Variants in BUB1B observed in about 807,000 individuals in gnomAD.
BUB1B encodes the protein mitotic checkpoint serine/threonine-protein kinase BUB1 beta.
BUB1B carries 86 observed loss-of-function variants against 137.7 expected under a neutral mutation model. The ratio of observed to expected loss-of-function variants is 0.62; its 90% CI spans 0.52 to 0.75. The LOEUF is 0.75. Among genes scored for constraint, BUB1B ranks in the 30% least tolerant of loss-of-function variants. The pLI, the probability that BUB1B is intolerant of heterozygous loss-of-function variation, is 0.00. For missense variants in BUB1B, 1,130 were observed against 1,236.9 expected, an observed-to-expected ratio of 0.91 and a Z score of 1.30; for synonymous variants, 420 against 417.9, an observed-to-expected ratio of 1.00 and a Z score of -0.06.
chr15:40,209,895 C>A, intron 17 of BUB1B, 120 bp downstream of exon 17: 1 of 1,294,312 alleles, frequency 7.7e-7, no homozygotes, highest in Non-Finnish European at 1.1e-6. Flanking sequence ...TTTAAAAAAG[C>A]AATATAGAGG....
At chr15:40,171,048 G>A (rs573083689) in intron 4 of BUB1B, among the ~76,000 whole-genome samples, 7 of 151,984 alleles carry the variant, frequency 4.6e-5, no homozygotes, top group African/African-American at 1.7e-4. Context: ...CAATCCTCTC[G>A]CCTCAGCCTC....
At chr15:40,179,856 A>C (rs943204327) in intron 5 of BUB1B, among the ~76,000 whole-genome samples, 1 of 151,858 alleles carries the variant, frequency 6.6e-6, no homozygotes, top group Non-Finnish European at 1.5e-5. Flanking sequence ...AAGCTTTATA[A>C]CCATAAAAGT....
At chr15:40,174,016 CA>C (rs979967281) in intron 4 of BUB1B, 160 of 397,930 alleles carry the variant, frequency 4.0e-4, no homozygotes, top group East Asian at 9.2e-4. Flanking sequence ...TAAGGGTTAC[CA>C]AAAAAAAGGT....
intron 8 of BUB1B, among the ~76,000 whole-genome samples, chr15:40,195,134 C>T (rs1416863907): frequency 2.0e-5 from 3 of 151,350 alleles, no homozygotes; most frequent in Non-Finnish European, 4.4e-5. Flanking sequence ...ACCCTTACTC[C>T]CCCCATCCTT....
Position 40,165,143 on chromosome 15 carries a change from G to T in BUB1B, c.126G>T (p.Gln42His), listed in dbSNP as rs1402691715. Reference protein sequence around the residue: ...LRQGRIMSTLQGALAQESACN... With the variant: ...LRQGRIMSTLHGALAQESACN... ...AAGGGCGGATCATGTCCACGCTTCA[G>T]GGAGCACTGGCACAAGAATCTGCCT... The change falls in exon 2 of 23, where the codon CAG becomes CAT. Residue 42 changes from glutamine to histidine, a missense_variant. Coordinates refer to ENST00000287598, the MANE Select transcript of BUB1B (RefSeq NM_001211.6). 1.2e-6 allele frequency: 2 copies of T among 1,614,200 alleles called. No individual in the cohort carries two copies. Among genetic ancestry groups the T allele is most frequent in the Middle Eastern group, 1.7e-4 (1 of 6,060 alleles).
chr15:40,185,966 A>C (rs1566820584), intron 8 of BUB1B, among the ~76,000 whole-genome samples: 1 of 152,262 alleles, frequency 6.6e-6, no homozygotes, highest in African/African-American at 2.4e-5. Flanking sequence ...TATTTTATTA[A>C]GGAATAAACA....
chr15:40,210,102 C>G lies in BUB1B; in HGVS notation c.2285-8C>G. ...TGATTTTTAAATGGAATCAAACTTT[C>G]TCAACAGGTAATGAGGATTACTGCA... is the stretch of plus-strand genomic sequence containing the variant. On this transcript the variant is annotated splice_region_variant and splice_polypyrimidine_tract_variant and intron_variant, in intron 17 of 22. Transcript: ENST00000287598. 2 of 1,589,218 alleles carry G rather than the reference C, an allele frequency of 1.3e-6. No individual in the cohort carries two copies. Among genetic ancestry groups the G allele is most frequent in the Non-Finnish European group, 8.6e-7 (1 of 1,157,822 alleles).
At chr15:40,172,360 T>C (rs1422909292) in intron 4 of BUB1B, among the ~76,000 whole-genome samples, 1 of 152,168 alleles carries the variant, frequency 6.6e-6, no homozygotes, top group Non-Finnish European at 1.5e-5. Context: ...AAAGTCTGCA[T>C]ATAACTTTTG....
At position 40,161,194 on chromosome 15, in the gene BUB1B, G is replaced by A. The variant is rs1165856848; in HGVS notation, c.-27G>A. 3.7e-6 allele frequency: 6 copies of A among 1,612,582 alleles called. No individual in the cohort carries two copies. Among genetic ancestry groups the A allele is most frequent in the Non-Finnish European group, 4.2e-6 (5 of 1,179,378 alleles). ...GGCCCAGAGGAAAGGCCTGCAGCAGGACGAGGACCTGAGCCAGGAATGCAG... is the reference window on the plus strand; with the variant it reads ...GGCCCAGAGGAAAGGCCTGCAGCAGAACGAGGACCTGAGCCAGGAATGCAG... On this transcript the variant is annotated 5_prime_UTR_variant, in exon 1 of 23. Coordinates refer to ENST00000287598, the MANE Select transcript of BUB1B (RefSeq NM_001211.6).
chr15:40,163,569 T>G (rs1465429644), intron 1 of BUB1B, among the ~76,000 whole-genome samples: 1 of 152,202 alleles, frequency 6.6e-6, no homozygotes, highest in Non-Finnish European at 1.5e-5. Flanking sequence ...TCTCAAACAT[T>G]TATTCCTTGA....
At chr15:40,165,902 G>T (rs191045579) in intron 2 of BUB1B, among the ~76,000 whole-genome samples, 1 of 151,472 alleles carries the variant, frequency 6.6e-6, no homozygotes, top group East Asian at 1.9e-4. Context: ...ACCCAGGTTG[G>T]AGTACAGTGG....
chr15:40,165,226 C>T (rs753159638), intron 2 of BUB1B, 30 bp downstream of exon 2: 6 of 1,613,750 alleles, frequency 3.7e-6, no homozygotes, highest in Non-Finnish European at 4.2e-6. Flanking sequence ...CTCAACCTGT[C>T]GTCATTCATC....
chr15:40,186,767 T>A (rs2037370669), intron 8 of BUB1B, among the ~76,000 whole-genome samples: 4 of 152,078 alleles, frequency 2.6e-5, no homozygotes, highest in Admixed American at 2.6e-4. Flanking sequence ...CTAGGTTGAA[T>A]TCTGTCCCAG....
At position 40,165,164 on chromosome 15, in the gene BUB1B, T is replaced by C. The variant is rs1294460668; in HGVS notation, c.147T>C (p.Ser49=). The change falls in exon 2 of 23, where the codon TCT becomes TCC. Residue 49 remains serine, a synonymous_variant. Coordinates refer to ENST00000287598, the MANE Select transcript of BUB1B (RefSeq NM_001211.6). The part of the protein sequence containing the change: ...STLQGALAQE[S]ACNNTLQQQK... ...TTCAGGGAGCACTGGCACAAGAATC[T>C]GCCTGTAACAATACTCTTCAGCAGC... The C allele has an allele frequency of 6.2e-7, 1 of 1,614,204 alleles. No individual in the cohort carries two copies. Among genetic ancestry groups the C allele is most frequent in the Non-Finnish European group, 8.5e-7 (1 of 1,180,040 alleles).
rs150983783 is a variant in BUB1B, at chr15:40,196,748, G to A, written c.1262G>A (p.Arg421Gln). 2.7e-5 allele frequency: 43 copies of A among 1,613,802 alleles called. No homozygotes were observed. Among genetic ancestry groups the A allele is most frequent in the Admixed American group, 3.3e-5 (2 of 59,986 alleles). The change falls in exon 9 of 23, where the codon CGG becomes CAG. Residue 421 changes from arginine (R) to glutamine (Q), a missense_variant. Arg to Gln is a conservative substitution (Grantham distance 43). Coordinates refer to ENST00000287598, the MANE Select transcript of BUB1B (RefSeq NM_001211.6). ...SFEEIRAEVF[R>Q]KKLKEQREAE... is the part of the protein sequence containing the mutation. The stretch of plus-strand genomic sequence containing the variant: ...GAAGAAATTCGGGCTGAAGTTTTCC[G>A]GAAGAAATTAAAAGAGCAAAGGGAA...
chr15:40,172,245 A>G (rs576225178), intron 4 of BUB1B, among the ~76,000 whole-genome samples: 1 of 152,218 alleles, frequency 6.6e-6, no homozygotes, highest in African/African-American at 2.4e-5. Context: ...TAAAGTAAGA[A>G]ATAAATTTCT....
chr15:40,187,369 G>T (rs995915468), intron 8 of BUB1B, among the ~76,000 whole-genome samples: 5 of 151,970 alleles, frequency 3.3e-5, no homozygotes, highest in Admixed American at 3.3e-4. Flanking sequence ...CTCATGATCC[G>T]CCCACCTCAG....
chr15:40,197,900 A>G (rs1001541215), intron 9 of BUB1B, among the ~76,000 whole-genome samples: 2 of 152,200 alleles, frequency 1.3e-5, no homozygotes, highest in African/African-American at 4.8e-5. Flanking sequence ...CAGCAAAGAA[A>G]TAGGCTAGGA....
At chr15:40,176,110 A>C (rs2037220483) in intron 4 of BUB1B, among the ~76,000 whole-genome samples, 1 of 152,106 alleles carries the variant, frequency 6.6e-6, no homozygotes, top group African/African-American at 2.4e-5. Flanking sequence ...CACCATGCCC[A>C]GCTAAAGTTT....
Sources: allele counts gnomAD v4.1 joint callset (sites outside exome capture counted in the v4.1 genomes callset), GRCh38; gene constraint gnomAD v4.1.1; transcripts MANE v1.5; gene names NCBI Gene and HGNC (gene_info 2026-07-23, HGNC 2026-07-21).